The following PRKCB variants were observed in gnomAD, a reference collection of about 807,000 sequenced individuals.
The protein encoded by PRKCB is protein kinase C beta.
A neutral mutation model predicts 81.5 loss-of-function variants in PRKCB; 13 were observed. The observed-to-expected ratio is 0.16, with a 90% confidence interval of 0.10 to 0.25. The LOEUF is 0.25. Among genes scored for constraint, PRKCB ranks in the 10% least tolerant of loss-of-function variants. The pLI, the probability that PRKCB is intolerant of heterozygous loss-of-function variation, is 1.00. For missense variants in PRKCB, 509 were observed against 875.7 expected (o/e 0.58, Z 5.29); for synonymous variants, 335 against 321.4 (o/e 1.04, Z -0.45).
intron 3 of PRKCB, among the ~76,000 whole-genome samples, chr16:23,996,008 G>C (rs1027878422): frequency 6.6e-6 from 1 of 152,120 alleles, no homozygotes; most frequent in African/African-American, 2.4e-5. Flanking sequence ...TGTGCACTTT[G>C]CTTGGGAGGA....
chr16:24,167,327 G>T (rs1272329888), intron 10 of PRKCB, among the ~76,000 whole-genome samples: 1 of 151,964 alleles, frequency 6.6e-6, no homozygotes, highest in Non-Finnish European at 1.5e-5. Context: ...AAGCAGTATT[G>T]GTCTGAGAAA....
chr16:24,199,132 T>C (rs1967920117), intron 16 of PRKCB, among the ~76,000 whole-genome samples: 1 of 152,228 alleles, frequency 6.6e-6, no homozygotes. Context: ...TGTCCTATGC[T>C]CTGTTAGTAT....
chr16:24,158,527 CATGTATATGTATAAGTAT>C (rs1314704808), intron 10 of PRKCB, among the ~76,000 whole-genome samples: 3,908 of 141,768 alleles, frequency 0.028, 181 homozygotes, highest in African/African-American at 0.092. Flanking sequence ...TTTAAAAAAA[CATGTATATGTATAAGTAT>C]ATGTATATGT....
chr16:23,862,331 G>C (rs921854934), intron 2 of PRKCB, among the ~76,000 whole-genome samples: 3 of 152,112 alleles, frequency 2.0e-5, no homozygotes, highest in Non-Finnish European at 4.4e-5. Context: ...ATTTGGGTGG[G>C]GTTTAGACAC....
At chr16:23,931,836 A>C (rs1963982216) in intron 2 of PRKCB, among the ~76,000 whole-genome samples, 1 of 152,182 alleles carries the variant, frequency 6.6e-6, no homozygotes, top group African/African-American at 2.4e-5. Flanking sequence ...ACAATGATCA[A>C]TTCTTGGCTA....
chr16:23,977,972 G>GC (rs1210926851), intron 2 of PRKCB, among the ~76,000 whole-genome samples: 5 of 152,252 alleles, frequency 3.3e-5, no homozygotes, highest in African/African-American at 1.2e-4. Flanking sequence ...TTAGGTATAA[G>GC]CCAGGCACGT....
At chr16:24,088,112 G>A (rs865916488) in intron 5 of PRKCB, among the ~76,000 whole-genome samples, 4 of 152,166 alleles carry the variant, frequency 2.6e-5, no homozygotes, top group African/African-American at 2.4e-5. Flanking sequence ...TTGCTTCCGC[G>A]ATACATATGC....
intron 4 of PRKCB, 97 bp downstream of exon 4, chr16:24,032,344 C>G (rs1266530909): frequency 2.6e-6 from 2 of 772,720 alleles, no homozygotes; most frequent in Non-Finnish European, 4.2e-6. Flanking sequence ...CCATACATTC[C>G]CCCCTGTCCT....
intron 2 of PRKCB, among the ~76,000 whole-genome samples, chr16:23,882,284 A>T (rs562140758): frequency 6.6e-6 from 1 of 150,892 alleles, no homozygotes; most frequent in South Asian, 2.1e-4. Context: ...AGGTCTTGCT[A>T]TGTTGCCCAG....
At chr16:24,037,342 TC>T (rs2141859050) in intron 5 of PRKCB, among the ~76,000 whole-genome samples, 1 of 152,298 alleles carries the variant, frequency 6.6e-6, no homozygotes, top group South Asian at 2.1e-4. Flanking sequence ...GAAGTTATAT[TC>T]CAAGAGCTCA....
chr16:24,101,989 A>G (rs1259299770), intron 7 of PRKCB, among the ~76,000 whole-genome samples: 1 of 152,218 alleles, frequency 6.6e-6, no homozygotes, highest in African/African-American at 2.4e-5. Context: ...CTTGTAAGCA[A>G]CGGTGCTGGG....
rs555071515 is a variant in PRKCB, at chr16:24,113,632, T to C, written c.918+563T>C. ...CTTGTCTCTCTCTTCTTTCTTCATC[T>C]CCTTTCTTTCATCAGTGGGAACCAG... On this transcript the variant is annotated intron_variant, in intron 8 of 16. Coordinates refer to ENST00000643927, the MANE Select transcript of PRKCB (RefSeq NM_002738.7). Among the ~76,000 whole-genome samples, 3 of 151,486 alleles carry C rather than the reference T, an allele frequency of 2.0e-5. No homozygotes were observed. In the East Asian group the frequency reaches 5.9e-4, roughly 30 times the overall value.
At chr16:24,109,423 C>T (rs1408276686) in intron 7 of PRKCB, among the ~76,000 whole-genome samples, 1 of 124,068 alleles carries the variant, frequency 8.1e-6, no homozygotes, top group Admixed American at 7.7e-5. Flanking sequence ...CCTCACCTCC[C>T]AGACGGGGTT....
At chr16:23,877,919 C>T (rs1359935356) in intron 2 of PRKCB, among the ~76,000 whole-genome samples, 2 of 151,870 alleles carry the variant, frequency 1.3e-5, no homozygotes, top group Non-Finnish European at 2.9e-5. Flanking sequence ...CCGCAACCTC[C>T]GCCTCCCAGG....
intron 11 of PRKCB, 139 bp from the exon 12 acceptor site, chr16:24,174,379 T>A: frequency 4.1e-6 from 3 of 737,456 alleles, no homozygotes; most frequent in Non-Finnish European, 6.6e-6. Context: ...CTTTCAGCAC[T>A]TTATGAGCTA....
At chr16:23,901,991 T>C (rs1963481939) in intron 2 of PRKCB, among the ~76,000 whole-genome samples, 1 of 151,978 alleles carries the variant, frequency 6.6e-6, no homozygotes, top group South Asian at 2.1e-4. Context: ...ACTGAAAAAA[T>C]ATTCACTGAA....
chr16:24,020,670 C>A (rs574531538), intron 3 of PRKCB, among the ~76,000 whole-genome samples: 4 of 152,170 alleles, frequency 2.6e-5, no homozygotes, highest in Non-Finnish European at 5.9e-5. Flanking sequence ...CTGGAGCCTG[C>A]GCTTGTTAAT....
At chr16:24,128,096 G>A (rs1162288966) in intron 9 of PRKCB, among the ~76,000 whole-genome samples, 1 of 124,290 alleles carries the variant, frequency 8.0e-6, no homozygotes, top group African/African-American at 3.2e-5. Flanking sequence ...AACCCTAATG[G>A]CCAGGTGCGG....
intron 9 of PRKCB, among the ~76,000 whole-genome samples, chr16:24,126,980 T>C (rs932965171): frequency 6.6e-6 from 1 of 150,544 alleles, no homozygotes; most frequent in Non-Finnish European, 1.5e-5. Context: ...TCCTAAATTA[T>C]ATATATATAT....
Sources: allele counts gnomAD v4.1 joint callset (sites outside exome capture counted in the v4.1 genomes callset), GRCh38; gene constraint gnomAD v4.1.1; transcripts MANE v1.5; gene names NCBI Gene and HGNC (gene_info 2026-07-23, HGNC 2026-07-21).